The following TMEM63A variants were observed in gnomAD, a reference collection of about 807,000 sequenced individuals.
TMEM63A encodes transmembrane protein 63A.
A neutral mutation model predicts 100.6 loss-of-function variants in TMEM63A; 76 were observed. The ratio of observed to expected loss-of-function variants is 0.76; its 90% CI spans 0.63 to 0.91. TMEM63A has a LOEUF of 0.91. Among genes scored for constraint, TMEM63A ranks in the 40% least tolerant of loss-of-function variants. The pLI, the probability that TMEM63A is intolerant of heterozygous loss-of-function variation, is 0.00. For missense variants in TMEM63A, 876 were observed against 1,008.8 expected, an observed-to-expected ratio of 0.87 and a Z score of 1.78; for synonymous variants, 401 against 401.1, an observed-to-expected ratio of 1.00 and a Z score of 0.00.
chr1:225,850,775 G>A (rs769784561), intron 20 of TMEM63A, among the ~76,000 whole-genome samples: 1 of 151,986 alleles, frequency 6.6e-6, no homozygotes, highest in Non-Finnish European at 1.5e-5. Flanking sequence ...GCAGTGGTGC[G>A]ATCTCGGCTC....
At chr1:225,878,241 G>T (rs536301061) in intron 2 of TMEM63A, among the ~76,000 whole-genome samples, 56 of 152,172 alleles carry the variant, frequency 3.7e-4, no homozygotes, top group African/African-American at 1.3e-3. Context: ...GAGCTGGTCA[G>T]GGCAGAATTG....
In TMEM63A at chr1:225,867,035, G is replaced by A; in HGVS notation, c.566+77C>T. On this transcript the variant is annotated intron_variant, in intron 8 of 24. Coordinates refer to ENST00000366835, the MANE Select transcript of TMEM63A (RefSeq NM_014698.3). This position sits in a 1 kb window ranked among gnomAD's most constrained non-coding sequence, Gnocchi z 4.6. ...AGCCGGCCCCCTTTGGAGTACCTCTGGCCTGCCCCGGGCTCCTGACCTGCC... is the reference window on the plus strand; with the variant it reads ...AGCCGGCCCCCTTTGGAGTACCTCTAGCCTGCCCCGGGCTCCTGACCTGCC... 6.6e-7 allele frequency: 1 copy of A among 1,506,766 alleles called. No homozygotes were observed. The highest frequency in any genetic ancestry group is 9.2e-7 in the Non-Finnish European group (1 of 1,082,866). 93.3% of individuals were successfully genotyped at this position (1,506,766 alleles called of 1,614,324 possible).
Position 225,862,209 on chromosome 1 carries a change from T to C in TMEM63A, c.1085+9A>G, listed in dbSNP as rs74150536. The stretch of plus-strand genomic sequence containing the variant: ...AGCCAAGAAGGGGTCTGGATGTGCC[T>C]ACACTCACTAGGTGGCCATGGACTT... On this transcript the variant is annotated intron_variant, in intron 13 of 24. Transcript: ENST00000366835. The surrounding 1 kb of genome is among the most constrained non-coding windows in gnomAD (Gnocchi z 5.1). 84,038 of 1,613,466 alleles carry C rather than the reference T, an allele frequency of 0.052. 2,969 individuals carry two copies. The highest frequency in any genetic ancestry group is 0.15 in the East Asian group (6,851 of 44,874).
In TMEM63A at chr1:225,862,027, G is replaced by T. The variant is rs1355999420; in HGVS notation, c.1085+191C>A. On this transcript the variant is annotated intron_variant, in intron 13 of 24. Transcript: ENST00000366835. The surrounding 1 kb of genome is among the most constrained non-coding windows in gnomAD (Gnocchi z 5.1). ...CGTGGCTGCTGCCCACACCCCCACC[G>T]CCTGTTACACAAACATGGGCTGGGC... 4 of 873,226 alleles carry T rather than the reference G, an allele frequency of 4.6e-6. No individual in the cohort carries two copies. The highest frequency in any genetic ancestry group is 1.7e-5 in the African/African-American group (1 of 58,746). 54.1% of individuals were successfully genotyped at this position (873,226 alleles called of 1,614,324 possible). A position where few individuals can be genotyped will look rare whatever the true frequency, so the allele number is the denominator to read the frequency against.
rs770267879 is a variant in TMEM63A at position 225,877,609 on chromosome 1, A to C, written c.-14-15T>G. 6.2e-7 allele frequency: 1 copy of C among 1,604,152 alleles called. No individual in the cohort carries two copies. The highest frequency in any genetic ancestry group is 8.5e-7 in the Non-Finnish European group (1 of 1,174,048). ...GCCTGTCTTCCCTGGAGCACAGGACAACAGGACAAGGCAGACGTTCAGGGC... is the reference window on the plus strand; with the variant it reads ...GCCTGTCTTCCCTGGAGCACAGGACCACAGGACAAGGCAGACGTTCAGGGC... On this transcript the variant is annotated splice_polypyrimidine_tract_variant and intron_variant, in intron 2 of 24. Transcript: ENST00000366835.
At chr1:225,878,865 T>A (rs899884039) in intron 2 of TMEM63A, among the ~76,000 whole-genome samples, 1 of 123,406 alleles carries the variant, frequency 8.1e-6, no homozygotes, top group African/African-American at 3.3e-5. Flanking sequence ...CATGGACACC[T>A]ACCTACCTAC....
At chr1:225,844,205 T>G (rs1325017270), downstream of TMEM63A, among the ~76,000 whole-genome samples, 1 of 150,310 alleles carries the variant, frequency 6.7e-6, no homozygotes. Context: ...GTGCAGGGGT[T>G]GAGGGGAGGG....
At position 225,849,083 on chromosome 1, in the gene TMEM63A, A is replaced by G. The variant is rs1669184834; in HGVS notation, c.2072-71T>C. ...ACCACCTACCCTCACCCTGCTGAGG[A>G]AGGGGCCGCACCTGGTGTGGAAACT... On this transcript the variant is annotated intron_variant, in intron 21 of 24. Transcript: ENST00000366835. 5 of 1,205,758 alleles carry G rather than the reference A, an allele frequency of 4.1e-6. No homozygotes were observed. In the East Asian group the frequency reaches 1.0e-4, roughly 25 times the overall value. The allele number at this position is 1,205,758 out of a possible 1,614,324, so 74.7% of individuals were successfully genotyped here. A position where few individuals can be genotyped will look rare whatever the true frequency, so the allele number is the denominator to read the frequency against.
intron 15 of TMEM63A, among the ~76,000 whole-genome samples, chr1:225,857,380 GGGGC>G (rs779357875): frequency 4.1e-3 from 5 of 1,210 alleles, no homozygotes; most frequent in Non-Finnish European, 0.034. Flanking sequence ...CCTGGCCGGC[GGGGC>G]GGGGGGGGGG....
downstream of TMEM63A, chr1:225,845,008 C>G: frequency 1.0e-6 from 1 of 973,816 alleles, no homozygotes; most frequent in South Asian, 1.3e-5. Context: ...GGTTGAGACC[C>G]TGGATTTGTC....
intron 21 of TMEM63A, 32 bp downstream of exon 21, chr1:225,849,880 A>C: frequency 6.2e-7 from 1 of 1,607,776 alleles, no homozygotes; most frequent in Non-Finnish European, 8.5e-7. Flanking sequence ...TGGGAGGCCA[A>C]GGGCTGGCCC....
At chr1:225,850,306 G>A (rs1329244234) in intron 20 of TMEM63A, among the ~76,000 whole-genome samples, 3 of 152,094 alleles carry the variant, frequency 2.0e-5, no homozygotes, top group Admixed American at 6.6e-5. Context: ...GTAGGGGATC[G>A]GTCAGGGTGG....
In TMEM63A at chr1:225,848,948, C is replaced by T; in HGVS notation, c.2136G>A (p.Leu712=). The T allele has an allele frequency of 6.2e-7, 1 of 1,605,440 alleles. No individual in the cohort carries two copies. The highest frequency in any genetic ancestry group is 2.2e-5 in the East Asian group (1 of 44,594). Residue 712 remains leucine, a synonymous_variant, in exon 22 of 25, where the codon CTG becomes CTA. Coordinates refer to ENST00000366835, the MANE Select transcript of TMEM63A (RefSeq NM_014698.3). ...TGAAGCATCCAAAGCAGGTGTGAGC[C>T]AGGCAGACCAGGATGGTGAGCAGCA... is the stretch of plus-strand genomic sequence containing the variant. ...LVLLLTILVC[L]AHTCFGCFKH...
At chr1:225,874,687 G>A (rs1445280895) in intron 3 of TMEM63A, among the ~76,000 whole-genome samples, 1 of 152,230 alleles carries the variant, frequency 6.6e-6, no homozygotes, top group Non-Finnish European at 1.5e-5. Context: ...ACACCACAAG[G>A]CCCAGTCTCG....
At chr1:225,861,707 C>T (rs574633752) in intron 13 of TMEM63A, 1 of 170,716 alleles carries the variant, frequency 5.9e-6, no homozygotes, top group East Asian at 1.5e-4. Context: ...GCCTAGAGTC[C>T]CATGCCAAGG....
intron 15 of TMEM63A, among the ~76,000 whole-genome samples, chr1:225,858,948 A>AGTGTGTG (rs1669788713): frequency 7.2e-6 from 1 of 139,676 alleles, no homozygotes; most frequent in African/African-American, 2.7e-5. Flanking sequence ...TATACATATA[A>AGTGTGTG]TGTGTGTGTG....
chr1:225,880,978 C>A (rs1409808155), intron 1 of TMEM63A, among the ~76,000 whole-genome samples: 1 of 152,200 alleles, frequency 6.6e-6, no homozygotes, highest in African/African-American at 2.4e-5. Flanking sequence ...TCTTTCAATC[C>A]TGTGATGACA....
intron 4 of TMEM63A, among the ~76,000 whole-genome samples, chr1:225,872,532 G>A (rs898199668): frequency 2.6e-5 from 4 of 152,138 alleles, no homozygotes; most frequent in Non-Finnish European, 5.9e-5. Flanking sequence ...TTTCAGAGAT[G>A]AGAAAATGTC....
chr1:225,847,921 C>T (rs72754965), intron 23 of TMEM63A, among the ~76,000 whole-genome samples: 1 of 152,182 alleles, frequency 6.6e-6, no homozygotes, highest in Non-Finnish European at 1.5e-5. Context: ...GTGACTACAG[C>T]TCTGGAACCC....
Sources: allele counts gnomAD v4.1 joint callset (sites outside exome capture counted in the v4.1 genomes callset), GRCh38; gene constraint gnomAD v4.1.1; non-coding constraint Gnocchi (gnomAD v3.1); transcripts MANE v1.5; gene names NCBI Gene and HGNC (gene_info 2026-07-23, HGNC 2026-07-21).